The following KIF17 variants were observed in gnomAD, a reference collection of about 807,000 sequenced individuals.
The protein encoded by KIF17 is kinesin family member 17, also known as kinesin-like protein KIF17.
Under a neutral mutation model 96.8 loss-of-function variants are expected in KIF17, and 80 were observed. The observed-to-expected ratio is 0.83, with a 90% CI of 0.69 to 1.00. The LOEUF is 1.00. Among genes scored for constraint, KIF17 ranks in the 50% least tolerant of loss-of-function variants. The pLI, the probability that KIF17 is intolerant of heterozygous loss-of-function variation, is 0.00. For missense variants in KIF17, 1,280 were observed against 1,372.9 expected (o/e 0.93, Z 1.07); for synonymous variants, 567 against 587.5 (o/e 0.97, Z 0.51).
At chr1:20,661,726 C>A (rs560310791), downstream of KIF17, among the ~76,000 whole-genome samples, 1 of 152,402 alleles carries the variant, frequency 6.6e-6, no homozygotes, top group East Asian at 1.9e-4. Context: ...GCGGGGTCCT[C>A]CCCGGGCTTG....
chr1:20,711,506 C>T (rs140823291), intron 3 of KIF17, among the ~76,000 whole-genome samples: 29 of 152,278 alleles, frequency 1.9e-4, no homozygotes, highest in African/African-American at 7.0e-4. Flanking sequence ...AGCTGGGATG[C>T]GGCAAGGATG....
chr1:20,688,095 G>A (rs1426210149), intron 7 of KIF17, 151 bp from the exon 8 acceptor site: 5 of 674,332 alleles, frequency 7.4e-6, no homozygotes, highest in African/African-American at 1.8e-5. Context: ...CGCCCGGGCT[G>A]GAGTGCAGTG....
Position 20,700,283 on chromosome 1 carries a change from C to T in KIF17, c.1124-1795G>A, listed in dbSNP as rs982296284. Among the ~76,000 whole-genome samples, 1 of 152,124 alleles carries T rather than the reference C, an allele frequency of 6.6e-6. No individual in the cohort carries two copies. Among genetic ancestry groups the T allele is most frequent in the Non-Finnish European group, 1.5e-5 (1 of 68,042 alleles). On this transcript the variant is annotated intron_variant, in intron 5 of 14. Coordinates refer to ENST00000400463, the MANE Select transcript of KIF17 (RefSeq NM_001122819.3). This position sits in a 1 kb window ranked among gnomAD's most constrained non-coding sequence, Gnocchi z 4.6. The stretch of plus-strand genomic sequence containing the variant: ...ATGGGGTTTCACTATGTTGGCCAGG[C>T]TGGTCTCCAACTCCTGACCTCAAGT...
At chr1:20,697,547 CA>C (rs2054163811) in intron 6 of KIF17, among the ~76,000 whole-genome samples, 1 of 152,172 alleles carries the variant, frequency 6.6e-6, no homozygotes, top group African/African-American at 2.4e-5. Context: ...TTTGAAGGTG[CA>C]GTGAGTTGAG....
intron 3 of KIF17, among the ~76,000 whole-genome samples, chr1:20,710,098 CTA>C (rs34318522): frequency 0.24 from 37,156 of 152,038 alleles, 5,389 homozygotes; most frequent in East Asian, 0.46. Flanking sequence ...CATGAGACAG[CTA>C]TCTCATAGGA....
At position 20,717,734 on chromosome 1, in the gene KIF17, A is replaced by G. The variant is rs562833060; in HGVS notation, c.-28T>C. 472 of 1,529,834 alleles carry G rather than the reference A, an allele frequency of 3.1e-4. 1 individual carries two copies. Among genetic ancestry groups the G allele is most frequent in the Non-Finnish European group, 3.7e-4 (426 of 1,145,466 alleles). The allele number at this position is 1,529,834 out of a possible 1,614,324, so 94.8% of individuals were successfully genotyped here. A position where few individuals can be genotyped will look rare whatever the true frequency, so the allele number is the denominator to read the frequency against. Reference sequence around the variant, plus strand: ...CGCCGCGCCCAGGACCAACGGGACCAGAGCTGACCCCCGCCCCGCCGGGGA... The same window carrying G: ...CGCCGCGCCCAGGACCAACGGGACCGGAGCTGACCCCCGCCCCGCCGGGGA... On this transcript the variant is annotated 5_prime_UTR_variant, in exon 1 of 15. Coordinates refer to ENST00000400463, the MANE Select transcript of KIF17 (RefSeq NM_001122819.3).
chr1:20,664,519 G>T lies in KIF17; in HGVS notation c.*65C>A, dbSNP rs997152297. The T allele has an allele frequency of 4.3e-6, 7 of 1,612,314 alleles. No homozygotes were observed. Among genetic ancestry groups the T allele is most frequent in the Non-Finnish European group, 5.9e-6 (7 of 1,179,934 alleles). ...GCAGGTGGGAGGAGACCTGGTTGGG[G>T]CTGCCCTGGGAGGGCCTGGCAGTCT... On this transcript the variant is annotated 3_prime_UTR_variant, in exon 15 of 15. Coordinates refer to ENST00000400463, the MANE Select transcript of KIF17 (RefSeq NM_001122819.3).
chr1:20,678,761 C>T (rs1208379108), intron 11 of KIF17, among the ~76,000 whole-genome samples: 2 of 152,034 alleles, frequency 1.3e-5, no homozygotes, highest in East Asian at 1.9e-4. Context: ...ATCCTAAAAA[C>T]GGATCTGAAA....
chr1:20,691,323 A>T (rs1399106609), intron 6 of KIF17, among the ~76,000 whole-genome samples: 1 of 151,838 alleles, frequency 6.6e-6, no homozygotes, highest in African/African-American at 2.4e-5. Context: ...ATAAATAAAA[A>T]ATTTATAGAG....
rs373523975 is a variant in KIF17, at chr1:20,698,383, C to T, written c.1229G>A (p.Arg410Gln). The stretch of plus-strand genomic sequence containing the variant: ...TCCCACCCGCTTGGGTCTCACCTCC[C>T]GGATCAGCTGCTTCTCGGCCTCCAC... ...HDVEAEKQLI[R>Q]EEYEERLARL... The change falls in exon 6 of 15, where the codon CGG becomes CAG. Residue 410 changes from arginine to glutamine, a missense_variant. Transcript: ENST00000400463. 39 of 1,612,460 alleles carry T rather than the reference C, an allele frequency of 2.4e-5. No homozygotes were observed. The highest frequency in any genetic ancestry group is 1.7e-4 in the Middle Eastern group (1 of 6,034).
downstream of KIF17, among the ~76,000 whole-genome samples, chr1:20,661,947 C>T (rs954749427): frequency 6.6e-6 from 1 of 152,258 alleles, no homozygotes; most frequent in Non-Finnish European, 1.5e-5. Context: ...CCTGTGCTGC[C>T]CAGCTCGGTG....
At chr1:20,665,169 C>T (rs1005476250) in intron 14 of KIF17, among the ~76,000 whole-genome samples, 2 of 135,242 alleles carry the variant, frequency 1.5e-5, no homozygotes, top group Non-Finnish European at 3.2e-5. Flanking sequence ...CCCCCCGCCC[C>T]ACCCATTCTG....
In KIF17 at chr1:20,709,127, A is replaced by G. The variant is rs2054392137; in HGVS notation, c.670+512T>C. On this transcript the variant is annotated intron_variant, in intron 4 of 14. Coordinates refer to ENST00000400463, the MANE Select transcript of KIF17 (RefSeq NM_001122819.3). This position sits in a 1 kb window ranked among gnomAD's most constrained non-coding sequence, Gnocchi z 4.7. ...GCACACTGGCCGGGCGCAGTGGCTCAAGCCTGTAATCCTAACACTTTGGGA... is the reference window on the plus strand; with the variant it reads ...GCACACTGGCCGGGCGCAGTGGCTCGAGCCTGTAATCCTAACACTTTGGGA... Among the ~76,000 whole-genome samples, 3 of 152,350 alleles carry G rather than the reference A, an allele frequency of 2.0e-5. No individual in the cohort carries two copies. The highest frequency in any genetic ancestry group is 6.5e-5 in the Admixed American group (1 of 15,310).
intron 1 of KIF17, 38 bp downstream of exon 1, chr1:20,717,438 C>T (rs771938166): frequency 2.5e-6 from 4 of 1,605,886 alleles, no homozygotes; most frequent in Admixed American, 1.7e-5. Context: ...CGGCCTCATG[C>T]CCTGCCGCCT....
rs2054612327 is a variant in KIF17, at chr1:20,717,840, G to GGGGGGC, written c.-140_-135dup. 2.5e-6 allele frequency: 2 copies of GGGGGGC among 794,980 alleles called. No homozygotes were observed. The highest frequency in any genetic ancestry group is 6.9e-5 in the Admixed American group (1 of 14,550). The allele number at this position is 794,980 out of a possible 1,614,324, so 49.2% of individuals were successfully genotyped here. A position where few individuals can be genotyped will look rare whatever the true frequency, so the allele number is the denominator to read the frequency against. On this transcript the variant is annotated 5_prime_UTR_variant, in exon 1 of 15. Transcript: ENST00000400463. ...CTTGAGGCAGGGGCGGGGCCGCGGC[G>GGGGGGC]GGGGGCGGGGACCCCTCGGGGGGCG...
In KIF17 at chr1:20,685,928, T is replaced by C; in HGVS notation, c.2019+118A>G. 1.1e-6 allele frequency: 1 copy of C among 872,210 alleles called. No individual in the cohort carries two copies. The highest frequency in any genetic ancestry group is 2.1e-5 in the Admixed American group (1 of 48,770). The allele number at this position is 872,210 out of a possible 1,614,324, so 54.0% of individuals were successfully genotyped here. A position where few individuals can be genotyped will look rare whatever the true frequency, so the allele number is the denominator to read the frequency against. On this transcript the variant is annotated intron_variant, in intron 9 of 14. Coordinates refer to ENST00000400463, the MANE Select transcript of KIF17 (RefSeq NM_001122819.3). The surrounding 1 kb of genome is among the most constrained non-coding windows in gnomAD (Gnocchi z 4.1). ...ACAAGCCCGGGGAAGGCTGGAGTTG[T>C]TGTTCTCAGCTCATGGATGAGGAAA...
rs2054197186 is a variant in KIF17, at chr1:20,699,630, G to T, written c.1124-1142C>A. Among the ~76,000 whole-genome samples the T allele has an allele frequency of 6.6e-6, 1 of 152,194 alleles. No individual in the cohort carries two copies. On this transcript the variant is annotated intron_variant, in intron 5 of 14. Transcript: ENST00000400463. The surrounding 1 kb of genome is among the most constrained non-coding windows in gnomAD (Gnocchi z 4.3). ...TTAGTCAAGGCATGAAGGAAGCAGC[G>T]AGGAGAGGGCGGGCACAGGAGGAGC...
intron 13 of KIF17, 115 bp from the exon 14 acceptor site, chr1:20,666,446 G>A: frequency 1.2e-6 from 1 of 843,034 alleles, no homozygotes; most frequent in South Asian, 1.3e-5. Flanking sequence ...CCCCGAAGTT[G>A]TCACAGGGCT....
downstream of KIF17, chr1:20,661,643 G>A (rs1270772350): frequency 5.9e-6 from 3 of 504,792 alleles, no homozygotes; most frequent in Admixed American, 3.4e-5. Flanking sequence ...CAATCAACGA[G>A]GCCGAGCGCC....
Sources: allele counts gnomAD v4.1 joint callset (sites outside exome capture counted in the v4.1 genomes callset), GRCh38; gene constraint gnomAD v4.1.1; non-coding constraint Gnocchi (gnomAD v3.1); transcripts MANE v1.5; gene names NCBI Gene and HGNC (gene_info 2026-07-23, HGNC 2026-07-21).